Variants in SYT14 observed in about 807,000 individuals in gnomAD.
SYT14 encodes synaptotagmin-14.
SYT14 carries 32 observed loss-of-function variants against 74.2 expected under a neutral mutation model. The observed-to-expected ratio is 0.43, with a 90% CI of 0.33 to 0.58. The LOEUF is 0.58. Among genes scored for constraint, SYT14 ranks in the 20% least tolerant of loss-of-function variants. The pLI is 0.05. For missense variants in SYT14, 791 were observed against 981.8 expected (o/e 0.81, Z 2.60); for synonymous variants, 298 against 337.7 (o/e 0.88, Z 1.29).
intron 5 of SYT14, among the ~76,000 whole-genome samples, chr1:210,032,667 C>A (rs368285323): frequency 2.9e-5 from 4 of 138,222 alleles, no homozygotes; most frequent in Admixed American, 7.2e-5. Flanking sequence ...AAAAAAAAAA[C>A]CCATCATTGA....
intron 2 of SYT14, among the ~76,000 whole-genome samples, chr1:210,004,368 G>A (rs1223400579): frequency 6.6e-6 from 1 of 151,830 alleles, no homozygotes; most frequent in East Asian, 1.9e-4. Flanking sequence ...CTTTATTCAG[G>A]TCATTGGTAA....
intron 5 of SYT14, among the ~76,000 whole-genome samples, chr1:210,061,531 G>A (rs2081207716): frequency 6.6e-6 from 1 of 151,726 alleles, no homozygotes; most frequent in African/African-American, 2.4e-5. Flanking sequence ...CACAGTAAAG[G>A]TGACATAAAC....
rs7524534 is a variant in SYT14 at position 209,950,490 on chromosome 1, T to C, written c.-533-2219T>C. Among the ~76,000 whole-genome samples, 861 of 152,316 alleles carry C rather than the reference T, an allele frequency of 5.7e-3. 4 individuals carry two copies. The highest frequency in any genetic ancestry group is 0.019 in the African/African-American group (793 of 41,576). ...GTGGGTAATACTCCAGTTAGCACTC[T>C]ATTTTTCACACTGGGGTTTTGCTGA... On this transcript the variant is annotated intron_variant, in intron 1 of 9. Transcript: ENST00000637265.
At chr1:209,981,374 A>G (rs2079481145) in intron 2 of SYT14, among the ~76,000 whole-genome samples, 1 of 149,294 alleles carries the variant, frequency 6.7e-6, no homozygotes, top group South Asian at 2.1e-4. Flanking sequence ...TTCTTTGCAT[A>G]TGAAGCTTAG....
chr1:210,040,681 C>A (rs1483428934), intron 5 of SYT14, among the ~76,000 whole-genome samples: 1 of 152,036 alleles, frequency 6.6e-6, no homozygotes, highest in Non-Finnish European at 1.5e-5. Context: ...AGAATTAATT[C>A]TATGTCTTTA....
chr1:210,096,472 A>G (rs2081968496), intron 6 of SYT14, among the ~76,000 whole-genome samples: 1 of 152,190 alleles, frequency 6.6e-6, no homozygotes, highest in African/African-American at 2.4e-5. Context: ...ATCCATTAAC[A>G]CACCTGGGGA....
intron 7 of SYT14, among the ~76,000 whole-genome samples, chr1:210,132,196 T>C (rs1318905299): frequency 6.6e-6 from 1 of 152,142 alleles, no homozygotes; most frequent in Admixed American, 6.6e-5. Context: ...CATCCCTCTG[T>C]GGAAATGTTC....
chr1:210,000,613 C>CTT (rs71146203), intron 2 of SYT14, among the ~76,000 whole-genome samples: 12,709 of 105,360 alleles, frequency 0.12, 3,228 homozygotes, highest in African/African-American at 0.44. Context: ...TTTATGCCTT[C>CTT]TTTTTTTTTT....
chr1:210,016,152 T>C (rs1266815734), exon 4 of SYT14: 5 of 1,231,990 alleles, frequency 4.1e-6, no homozygotes, highest in Admixed American at 8.4e-5. Context: ...GTAACAAGTA[T>C]GATGAGTGGC....
intron 5 of SYT14, among the ~76,000 whole-genome samples, chr1:210,086,863 G>GT (rs765056133): frequency 7.2e-5 from 11 of 152,056 alleles, no homozygotes; most frequent in Non-Finnish European, 1.2e-4. Flanking sequence ...ATTTGTTTTA[G>GT]TTTTTTCTTT....
chr1:209,979,058 G>A (rs867313826), intron 2 of SYT14, among the ~76,000 whole-genome samples: 8 of 152,328 alleles, frequency 5.3e-5, no homozygotes, highest in Middle Eastern at 6.8e-3. Context: ...TTGGAAAAGC[G>A]CAGTATTAGG....
intron 2 of SYT14, among the ~76,000 whole-genome samples, chr1:209,976,862 G>A (rs1000219696): frequency 6.6e-6 from 1 of 152,060 alleles, no homozygotes; most frequent in Non-Finnish European, 1.5e-5. Flanking sequence ...AGGTCTCTAA[G>A]GACTTGCTTT....
intron 2 of SYT14, among the ~76,000 whole-genome samples, chr1:210,002,258 C>T (rs1028458546): frequency 3.9e-5 from 6 of 152,018 alleles, no homozygotes; most frequent in East Asian, 1.9e-4. Flanking sequence ...CAAAAGCCCC[C>T]GTGCACTCTT....
At chr1:210,021,352 A>C (rs2080299614) in intron 5 of SYT14, 98 bp downstream of exon 4, 1 of 1,091,794 alleles carries the variant, frequency 9.2e-7, no homozygotes, top group South Asian at 1.3e-5. Context: ...AATAAACAAG[A>C]GAGCACATAC....
intron 7 of SYT14, among the ~76,000 whole-genome samples, chr1:210,108,015 G>T (rs1211681815): frequency 6.6e-6 from 1 of 152,144 alleles, no homozygotes; most frequent in East Asian, 1.9e-4. Context: ...TAAGTTCCTT[G>T]CTGGATTATT....
chr1:210,108,256 G>A (rs948334833), intron 7 of SYT14, among the ~76,000 whole-genome samples: 19 of 145,018 alleles, frequency 1.3e-4, no homozygotes, highest in Non-Finnish European at 2.7e-4. Flanking sequence ...TTAAAAATTG[G>A]AGAAAAGAGA....
chr1:210,110,556 A>G (rs1479951168), intron 7 of SYT14, among the ~76,000 whole-genome samples: 3 of 152,174 alleles, frequency 2.0e-5, no homozygotes, highest in Non-Finnish European at 1.5e-5. Context: ...TTCTGTTTCA[A>G]TTAAACAAGG....
intron 2 of SYT14, among the ~76,000 whole-genome samples, chr1:209,990,378 A>G (rs1205054978): frequency 6.6e-6 from 1 of 151,022 alleles, no homozygotes; most frequent in Admixed American, 6.6e-5. Context: ...ATTTAGCCCA[A>G]TATTTCCTGA....
intron 2 of SYT14, among the ~76,000 whole-genome samples, chr1:209,955,491 CT>C (rs1005603052): frequency 1.3e-5 from 2 of 151,946 alleles, no homozygotes; most frequent in Non-Finnish European, 2.9e-5. Flanking sequence ...AATTTATCCT[CT>C]TTTTTTTCAT....
Sources: gnomAD v4.1 joint callset for allele counts (sites outside exome capture counted in the v4.1 genomes callset) on GRCh38, gnomAD v4.1.1 for gene constraint, MANE v1.5 for transcripts, NCBI Gene and HGNC (gene_info 2026-07-23, HGNC 2026-07-21) for gene names.